ZSWIM6: variants seen among roughly 807,000 people sequenced by gnomAD.
ZSWIM6 encodes zinc finger SWIM-type containing 6, also known as zinc finger SWIM domain-containing protein 6.
In ZSWIM6, 9 loss-of-function variants were observed where a neutral mutation model predicts 113.2. The observed-to-expected ratio is 0.08, with a 90% CI of 0.05 to 0.14. The LOEUF (loss-of-function observed/expected upper bound fraction) is 0.14, where lower values mean the gene tolerates loss of function less well. Ranked by LOEUF, ZSWIM6 falls within the 10% of genes least tolerant of loss-of-function variation. The probability of loss-of-function intolerance (pLI) is 1.00; values close to 1 mark genes in which losing one functional copy is unlikely to be tolerated. For synonymous variants in ZSWIM6, 611 were observed against 606.5 expected (o/e 1.01, Z -0.11); for missense variants, 1,162 against 1,552.2 (o/e 0.75, Z 4.22).
At chr5:61,439,234 T>C (rs1746774433) in intron 1 of ZSWIM6, among the ~76,000 whole-genome samples, 1 of 152,180 alleles carries the variant, frequency 6.6e-6, no homozygotes, top group African/African-American at 2.4e-5. Context: ...CCCTTGCCAT[T>C]TGAGATTTCC....
intron 1 of ZSWIM6, among the ~76,000 whole-genome samples, chr5:61,450,955 A>G (rs1300095001): frequency 1.3e-5 from 2 of 152,168 alleles, no homozygotes; most frequent in Admixed American, 6.5e-5. Flanking sequence ...TTATTTAAGG[A>G]TAATGTGGTT....
At chr5:61,369,997 A>T (rs895898115) in intron 1 of ZSWIM6, among the ~76,000 whole-genome samples, 1 of 152,216 alleles carries the variant, frequency 6.6e-6, no homozygotes, top group East Asian at 1.9e-4. Context: ...GAACATTCCA[A>T]CTTAAAACTC....
intron 4 of ZSWIM6, among the ~76,000 whole-genome samples, chr5:61,505,699 CCTTCCTCCCTTCCTT>C (rs1748596787): frequency 1.0e-5 from 1 of 99,430 alleles, no homozygotes; most frequent in Non-Finnish European, 2.2e-5. Flanking sequence ...TCCCTCCCTT[CCTTCCTCCCTTCCTT>C]CCTTCCTTCC....
At chr5:61,531,201 T>A (rs566310912) in intron 8 of ZSWIM6, among the ~76,000 whole-genome samples, 6 of 152,308 alleles carry the variant, frequency 3.9e-5, no homozygotes, top group Non-Finnish European at 5.9e-5. Flanking sequence ...TTCTTAGATT[T>A]ATAGTTTTCT....
intron 1 of ZSWIM6, among the ~76,000 whole-genome samples, chr5:61,444,833 C>T (rs1014421102): frequency 1.3e-5 from 2 of 152,154 alleles, no homozygotes; most frequent in African/African-American, 4.8e-5. Flanking sequence ...GGCTGTGTGT[C>T]TCATGAGAGC....
intron 1 of ZSWIM6, among the ~76,000 whole-genome samples, chr5:61,354,997 T>G (rs925785907): frequency 3.3e-5 from 5 of 152,350 alleles, no homozygotes; most frequent in African/African-American, 1.2e-4. Context: ...AGATCATGAG[T>G]AATTAAAGGT....
intron 1 of ZSWIM6, among the ~76,000 whole-genome samples, chr5:61,457,179 G>C (rs1246918656): frequency 6.6e-6 from 1 of 151,684 alleles, no homozygotes; most frequent in East Asian, 1.9e-4. Context: ...TCCAATTTCT[G>C]ATTACCTGTC....
At chr5:61,513,626 A>G (rs1748848776) in intron 4 of ZSWIM6, among the ~76,000 whole-genome samples, 1 of 152,006 alleles carries the variant, frequency 6.6e-6, no homozygotes, top group Non-Finnish European at 1.5e-5. Flanking sequence ...ATTTAGGTTC[A>G]TGATCCACTT....
At chr5:61,404,661 G>T (rs1004648853) in intron 1 of ZSWIM6, among the ~76,000 whole-genome samples, 154 of 152,362 alleles carry the variant, frequency 1.0e-3, no homozygotes, top group African/African-American at 3.6e-3. Flanking sequence ...GAAGAGAGAA[G>T]CTAAGTCCAA....
chr5:61,482,610 C>T (rs964910530), intron 2 of ZSWIM6, among the ~76,000 whole-genome samples: 2 of 152,034 alleles, frequency 1.3e-5, no homozygotes, highest in Non-Finnish European at 2.9e-5. Flanking sequence ...ATGTCTTATT[C>T]CTAAAATGTT....
chr5:61,512,892 C>T (rs901071559), intron 4 of ZSWIM6, among the ~76,000 whole-genome samples: 1 of 151,924 alleles, frequency 6.6e-6, no homozygotes. Context: ...CCCCTTCCCC[C>T]GAGCTTATGC....
intron 1 of ZSWIM6, among the ~76,000 whole-genome samples, chr5:61,464,801 G>A (rs1169170102): frequency 1.3e-5 from 2 of 152,220 alleles, no homozygotes; most frequent in African/African-American, 2.4e-5. Flanking sequence ...GCTGTGAGCA[G>A]CAATGGGAAA....
intron 4 of ZSWIM6, 125 bp downstream of exon 4, chr5:61,494,535 A>G: frequency 8.0e-7 from 1 of 1,248,610 alleles, no homozygotes; most frequent in South Asian, 1.5e-5. Context: ...ACGTGTTGCC[A>G]ATATATAGGT....
chr5:61,450,439 A>G (rs1277409926), intron 1 of ZSWIM6, among the ~76,000 whole-genome samples: 1 of 152,056 alleles, frequency 6.6e-6, no homozygotes, highest in East Asian at 1.9e-4. Flanking sequence ...GCTTTAAATG[A>G]TTTCTCATTT....
chr5:61,487,379 C>T (rs1442752256), intron 2 of ZSWIM6, among the ~76,000 whole-genome samples: 1 of 151,800 alleles, frequency 6.6e-6, no homozygotes, highest in Non-Finnish European at 1.5e-5. Context: ...GCTATTTGGC[C>T]TCTTTTTTTG....
rs1315264942 is a variant in ZSWIM6 at position 61,543,601 on chromosome 5, A to G, written c.2932A>G (p.Ser978Gly). 1.9e-6 allele frequency: 3 copies of G among 1,551,800 alleles called. No homozygotes were observed. Among genetic ancestry groups the G allele is most frequent in the Admixed American group, 3.9e-5 (2 of 51,012 alleles). The change falls in exon 14 of 14, where the codon AGC becomes GGC. Residue 978 changes from serine to glycine, a missense_variant. Ser to Gly is a moderately conservative substitution (Grantham distance 56, BLOSUM62 0). Transcript: ENST00000252744. This position sits in a 1 kb window ranked among gnomAD's most constrained non-coding sequence, Gnocchi z 4.3. Reference sequence around the variant, plus strand: ...CTGCCACCAGCAGGAAAAGCTGGCCAGCAGCGCCCGGACACTTGCACTGCA... The same window carrying G: ...CTGCCACCAGCAGGAAAAGCTGGCCGGCAGCGCCCGGACACTTGCACTGCA... ...LDCHQQEKLA[S>G]SARTLALQCA...
At chr5:61,341,766 C>T (rs1241159083) in intron 1 of ZSWIM6, among the ~76,000 whole-genome samples, 1 of 151,862 alleles carries the variant, frequency 6.6e-6, no homozygotes, top group African/African-American at 2.4e-5. Context: ...CCTCCTCCTC[C>T]TTCACCGGTA....
At position 61,526,387 on chromosome 5, in the gene ZSWIM6, C is replaced by A; in HGVS notation, c.1828C>A (p.Gln610Lys). The A allele has an allele frequency of 6.5e-7, 1 of 1,542,368 alleles. No individual in the cohort carries two copies. The highest frequency in any genetic ancestry group is 1.2e-5 in the South Asian group (1 of 82,306). The part of the protein sequence containing the change: ...QQKQLEMFRT[Q>K]KKELPHKNIT... ...GAAACAGTTGGAAATGTTCCGAACC[C>A]AAAAAAAAGGTGAATGTGAAGGAGT... Residue 610 changes from glutamine (Q) to lysine (K), a missense_variant, in exon 7 of 14, where the codon CAA becomes AAA. Transcript: ENST00000252744.
At chr5:61,378,471 T>A (rs1201691263) in intron 1 of ZSWIM6, among the ~76,000 whole-genome samples, 2 of 152,238 alleles carry the variant, frequency 1.3e-5, no homozygotes, top group Non-Finnish European at 2.9e-5. Context: ...GCATACAACA[T>A]TTGTGGATGG....
Sources: gnomAD v4.1 joint callset for allele counts (sites outside exome capture counted in the v4.1 genomes callset) on GRCh38, gnomAD v4.1.1 for gene constraint, Gnocchi (gnomAD v3.1) non-coding constraint, MANE v1.5 for transcripts, NCBI Gene and HGNC (gene_info 2026-07-23, HGNC 2026-07-21) for gene names.